ZFPM1: variants seen among roughly 807,000 people sequenced by gnomAD.
The protein encoded by ZFPM1 is zinc finger protein, FOG family member 1.
ZFPM1 carries 28 observed loss-of-function variants against 46.3 expected under a neutral mutation model. The observed-to-expected ratio is 0.60, with a 90% confidence interval of 0.45 to 0.83. ZFPM1 has a LOEUF of 0.83. Ranked by LOEUF, ZFPM1 falls within the 40% of genes least tolerant of loss-of-function variation. ZFPM1 has a pLI of 0.00. For missense variants in ZFPM1, 1,878 were observed against 1,432.4 expected, an observed-to-expected ratio of 1.31 and a Z score of -5.02; for synonymous variants, 957 against 675.9, an observed-to-expected ratio of 1.42 and a Z score of -6.45.
chr16:88,508,127 T>C (rs1185253744), intron 3 of ZFPM1, among the ~76,000 whole-genome samples: 1 of 152,064 alleles, frequency 6.6e-6, no homozygotes, highest in Non-Finnish European at 1.5e-5. Flanking sequence ...CGAAACCCCT[T>C]CTTTACTAAA....
In ZFPM1 at chr16:88,491,569, T is replaced by C. The variant is rs371406842; in HGVS notation, c.268+2416T>C. On this transcript the variant is annotated intron_variant, in intron 3 of 9. Transcript: ENST00000319555. ...TCGCCACCCCAAGGGTCCCTGTCCA[T>C]CCCTGCGGTGTTGAGAGGGGTTAGA... is the stretch of plus-strand genomic sequence containing the variant. 1.6e-3 allele frequency among the ~76,000 whole-genome samples: 245 copies of C among 152,266 alleles called. 1 individual carries two copies. The highest frequency in any genetic ancestry group is 5.7e-3 in the African/African-American group (237 of 41,556).
At chr16:88,498,672 C>T (rs969902594) in intron 3 of ZFPM1, among the ~76,000 whole-genome samples, 3 of 152,160 alleles carry the variant, frequency 2.0e-5, no homozygotes, top group Non-Finnish European at 4.4e-5. Flanking sequence ...TGTCCCAGGC[C>T]GAGGGCGCAG....
In ZFPM1 at chr16:88,534,607, G is replaced by A; in HGVS notation, c.2649G>A (p.Ala883=). The A allele has an allele frequency of 4.3e-6, 5 of 1,162,836 alleles. No homozygotes were observed. Among genetic ancestry groups the A allele is most frequent in the Non-Finnish European group, 5.3e-6 (5 of 944,992 alleles). The allele number at this position is 1,162,836 out of a possible 1,614,324, so 72.0% of individuals were successfully genotyped here. The part of the protein sequence containing the change: ...FRLAHGLLLG[A]PLAGPGVEAR... ...TGGCGCACGGCCTGCTGCTCGGCGC[G>A]CCCCTGGCCGGCCCGGGGGTCGAGG... Residue 883 remains alanine (A), a synonymous_variant, in exon 10 of 10, where the codon GCG becomes GCA. Coordinates refer to ENST00000319555, the MANE Select transcript of ZFPM1 (RefSeq NM_153813.3).
chr16:88,494,554 A>G (rs1909822267), intron 3 of ZFPM1, among the ~76,000 whole-genome samples: 1 of 152,066 alleles, frequency 6.6e-6, no homozygotes, highest in African/African-American at 2.4e-5. Flanking sequence ...AGGGGGAAAC[A>G]GGGAGGGGGC....
chr16:88,500,583 C>T (rs1910194879), intron 3 of ZFPM1, among the ~76,000 whole-genome samples: 1 of 152,258 alleles, frequency 6.6e-6, no homozygotes, highest in Non-Finnish European at 1.5e-5. Flanking sequence ...CATTCTGTCA[C>T]CTTGCTAGGA....
intron 3 of ZFPM1, among the ~76,000 whole-genome samples, chr16:88,495,007 A>G (rs1174705333): frequency 2.0e-5 from 3 of 152,202 alleles, no homozygotes; most frequent in Non-Finnish European, 2.9e-5. Context: ...GCTAAGCCAT[A>G]ATCTATAATC....
intron 4 of ZFPM1, among the ~76,000 whole-genome samples, chr16:88,523,967 C>T (rs558616567): frequency 5.3e-5 from 8 of 152,330 alleles, no homozygotes; most frequent in East Asian, 1.9e-4. Flanking sequence ...ACAGAAAAAT[C>T]GGGGGTGCGT....
chr16:88,490,223 T>G (rs910214114), intron 3 of ZFPM1, among the ~76,000 whole-genome samples: 10 of 151,958 alleles, frequency 6.6e-5, no homozygotes, highest in Admixed American at 2.0e-4. Context: ...CCGGCTAATT[T>G]TTCTATTTTG....
upstream of ZFPM1, among the ~76,000 whole-genome samples, chr16:88,452,995 CG>C (rs964258946): frequency 7.7e-5 from 11 of 142,026 alleles, no homozygotes; most frequent in African/African-American, 2.9e-4. Flanking sequence ...TCGAGCGGGG[CG>C]GGGACAGTGC....
At position 88,534,978 on chromosome 16, in the gene ZFPM1, G is replaced by GA; in HGVS notation, c.3021dup. The GA allele has an allele frequency of 7.0e-7, 1 of 1,430,978 alleles. No individual in the cohort carries two copies. Among genetic ancestry groups the GA allele is most frequent in the Non-Finnish European group, 9.3e-7 (1 of 1,077,258 alleles). 88.6% of individuals were successfully genotyped at this position (1,430,978 alleles called of 1,614,324 possible). A position where few individuals can be genotyped will look rare whatever the true frequency, so the allele number is the denominator to read the frequency against. Residue 1007 remains the stop codon, a frameshift_variant and stop_retained_variant, in exon 10 of 10, where the codon TGA becomes TGAA. Coordinates refer to ENST00000319555, the MANE Select transcript of ZFPM1 (RefSeq NM_153813.3). LOFTEE classifies it high-confidence loss of function. The part of the protein sequence containing the change: ...CSSHAAEHVK[*] ...TCGCACGCCGCCGAGCACGTGAAGT[G>GA]AGCGCCCACACTACAGCCGCAGACG...
In ZFPM1 at chr16:88,480,390, T is replaced by C. The variant is rs566247078; in HGVS notation, c.41-5549T>C. ...CGAAAGCGAAGGAGGAAGAAGTGAG[T>C]GTGTGAGGGGACGGGTGAGTGAGGG... On this transcript the variant is annotated intron_variant, in intron 1 of 9. Transcript: ENST00000319555. The surrounding 1 kb of genome is among the most constrained non-coding windows in gnomAD (Gnocchi z 4.9). Among the ~76,000 whole-genome samples, 3 of 151,678 alleles carry C rather than the reference T, an allele frequency of 2.0e-5. No homozygotes were observed. The highest frequency in any genetic ancestry group is 6.6e-5 in the Admixed American group (1 of 15,250).
At chr16:88,455,403 C>G (rs1013104568) in intron 1 of ZFPM1, among the ~76,000 whole-genome samples, 4 of 152,016 alleles carry the variant, frequency 2.6e-5, no homozygotes, top group African/African-American at 7.2e-5. Context: ...AGGGCCCGGA[C>G]GAGGAAGGCA....
In ZFPM1 at chr16:88,532,034, T is replaced by G; in HGVS notation, c.745T>G (p.Trp249Gly). Residue 249 changes from tryptophan (W) to glycine (G), a missense_variant, in exon 7 of 10, where the codon TGG becomes GGG. Coordinates refer to ENST00000319555, the MANE Select transcript of ZFPM1 (RefSeq NM_153813.3). ...DVFPCKDCGI[W>G]YRSERNLQAH... ...CTTCCCCTGCAAGGACTGTGGCATC[T>G]GGTACCGCAGCGAGCGCAACCTGCA... The G allele has an allele frequency of 1.2e-6, 2 of 1,610,530 alleles. No individual in the cohort carries two copies. Among genetic ancestry groups the G allele is most frequent in the South Asian group, 2.2e-5 (2 of 90,888 alleles).
At chr16:88,518,431 GGTGGATGC>G (rs1567548811) in intron 4 of ZFPM1, among the ~76,000 whole-genome samples, 2 of 143,890 alleles carry the variant, frequency 1.4e-5, no homozygotes, top group Non-Finnish European at 3.1e-5. Flanking sequence ...TGGGTGGATG[GGTGGATGC>G]ATGGATAGAT....
chr16:88,509,156 CCA>C (rs1333610390), intron 3 of ZFPM1, among the ~76,000 whole-genome samples: 10 of 152,236 alleles, frequency 6.6e-5, no homozygotes, highest in Non-Finnish European at 8.8e-5. Context: ...GTCCGCTGAC[CCA>C]CAGAGGCTTC....
In ZFPM1 at chr16:88,534,459, C is replaced by A; in HGVS notation, c.2501C>A (p.Ala834Glu). ...TTCCACAGCCTCGAGGCCTACCTGGCGCACAAGAAGTACTCGTGCCCCGCT... is the reference window on the plus strand; with the variant it reads ...TTCCACAGCCTCGAGGCCTACCTGGAGCACAAGAAGTACTCGTGCCCCGCT... ...VSFHSLEAYLAHKKYSCPAAP... is the reference protein window; with the variant it reads ...VSFHSLEAYLEHKKYSCPAAP... The change falls in exon 10 of 10, where the codon GCG becomes GAG. Residue 834 changes from alanine to glutamate, a missense_variant. Ala to Glu is a moderately radical substitution (Grantham distance 107). Transcript: ENST00000319555. 6.7e-7 allele frequency: 1 copy of A among 1,496,016 alleles called. No homozygotes were observed. The highest frequency in any genetic ancestry group is 1.2e-5 in the South Asian group (1 of 82,200). The allele number at this position is 1,496,016 out of a possible 1,614,324, so 92.7% of individuals were successfully genotyped here. A position where few individuals can be genotyped will look rare whatever the true frequency, so the allele number is the denominator to read the frequency against.
chr16:88,517,030 G>A (rs945397090), intron 4 of ZFPM1, among the ~76,000 whole-genome samples: 4 of 152,234 alleles, frequency 2.6e-5, no homozygotes, highest in African/African-American at 9.6e-5. Context: ...ACCTGGGGCA[G>A]GTCGCTTCCC....
chr16:88,501,067 C>T (rs1024515608), intron 3 of ZFPM1, among the ~76,000 whole-genome samples: 3 of 149,992 alleles, frequency 2.0e-5, no homozygotes, highest in Non-Finnish European at 3.0e-5. Flanking sequence ...ATGGAGGTAG[C>T]GGTCATGGAT....
intron 6 of ZFPM1, among the ~76,000 whole-genome samples, chr16:88,528,780 C>T (rs987668219): frequency 6.6e-6 from 1 of 152,170 alleles, no homozygotes; most frequent in Non-Finnish European, 1.5e-5. Context: ...CTCTGTTACC[C>T]AGGATGGTCA....
Sources: gnomAD v4.1 joint callset for allele counts (sites outside exome capture counted in the v4.1 genomes callset) on GRCh38, gnomAD v4.1.1 for gene constraint, Gnocchi (gnomAD v3.1) non-coding constraint, MANE v1.5 for transcripts, NCBI Gene and HGNC (gene_info 2026-07-23, HGNC 2026-07-21) for gene names.